The following CAMK1D variants were observed in gnomAD, a reference collection of about 807,000 sequenced individuals.
CAMK1D encodes the protein calcium/calmodulin dependent protein kinase ID.
A neutral mutation model predicts 47.7 loss-of-function variants in CAMK1D; 9 were observed. The observed-to-expected ratio is 0.19, with a 90% CI of 0.11 to 0.33. The LOEUF (loss-of-function observed/expected upper bound fraction) is 0.33. Ranked by LOEUF, CAMK1D falls within the 10% of genes least tolerant of loss-of-function variation. CAMK1D has a pLI of 1.00. For synonymous variants in CAMK1D, 184 were observed against 184.9 expected (o/e 0.99, Z 0.04); for missense variants, 291 against 488.7 (o/e 0.60, Z 3.81).
At chr10:12,715,060 C>T (rs770113608) in intron 3 of CAMK1D, among the ~76,000 whole-genome samples, 10 of 152,132 alleles carry the variant, frequency 6.6e-5, no homozygotes, top group Non-Finnish European at 1.0e-4. Context: ...TTCCTTCTAT[C>T]GAACTGTATG....
intron 4 of CAMK1D, among the ~76,000 whole-genome samples, chr10:12,765,166 A>G (rs968272890): frequency 3.9e-5 from 6 of 152,208 alleles, no homozygotes; most frequent in African/African-American, 1.4e-4. Flanking sequence ...TTCATCCACA[A>G]AATTAATGTC....
intron 3 of CAMK1D, among the ~76,000 whole-genome samples, chr10:12,731,441 T>C (rs1224384389): frequency 1.3e-5 from 2 of 152,164 alleles, no homozygotes; most frequent in Non-Finnish European, 2.9e-5. Flanking sequence ...AGAAAAGTCA[T>C]GAAAGTGAGC....
intron 2 of CAMK1D, among the ~76,000 whole-genome samples, chr10:12,651,817 C>T (rs922881853): frequency 6.6e-6 from 1 of 151,500 alleles, no homozygotes. Context: ...CCCGTTCTGT[C>T]GCCCAGGCTG....
At chr10:12,634,618 G>C (rs561055176) in intron 2 of CAMK1D, among the ~76,000 whole-genome samples, 1 of 152,190 alleles carries the variant, frequency 6.6e-6, no homozygotes, top group Non-Finnish European at 1.5e-5. Context: ...TGTAGGAGAT[G>C]CTCCTTCCAG....
chr10:12,644,234 G>A (rs1231411343), intron 2 of CAMK1D, among the ~76,000 whole-genome samples: 4 of 152,124 alleles, frequency 2.6e-5, no homozygotes, highest in Non-Finnish European at 2.9e-5. Context: ...TCTCACTGTA[G>A]CTGTCTGAGT....
intron 1 of CAMK1D, among the ~76,000 whole-genome samples, chr10:12,434,742 C>T (rs1378068739): frequency 1.3e-5 from 2 of 152,164 alleles, no homozygotes; most frequent in Admixed American, 6.5e-5. Context: ...TGATGTTCAC[C>T]GGGTAATGCT....
chr10:12,432,383 TGGTTTGAA>T (rs1832504792), intron 1 of CAMK1D, among the ~76,000 whole-genome samples: 1 of 152,244 alleles, frequency 6.6e-6, no homozygotes, highest in African/African-American at 2.4e-5. Flanking sequence ...AGCTGGGGCC[TGGTTTGAA>T]GACTTTTGCT....
chr10:12,755,299 C>T (rs1836178840), intron 3 of CAMK1D, among the ~76,000 whole-genome samples: 1 of 152,094 alleles, frequency 6.6e-6, no homozygotes. Flanking sequence ...TTATAGGCAC[C>T]AGTGTGGGAT....
chr10:12,788,746 C>G (rs1034968648), intron 5 of CAMK1D, among the ~76,000 whole-genome samples: 1 of 152,232 alleles, frequency 6.6e-6, no homozygotes, highest in African/African-American at 2.4e-5. Flanking sequence ...GAGAAATACG[C>G]TCTTAGCAGT....
chr10:12,530,176 C>T (rs1033409281), intron 1 of CAMK1D, among the ~76,000 whole-genome samples: 2 of 152,166 alleles, frequency 1.3e-5, no homozygotes, highest in Admixed American at 1.3e-4. Context: ...CTCCCAAGGC[C>T]ACGCATTCTT....
intron 1 of CAMK1D, among the ~76,000 whole-genome samples, chr10:12,450,499 G>A (rs1181358413): frequency 6.6e-6 from 1 of 152,238 alleles, no homozygotes; most frequent in Admixed American, 6.5e-5. Flanking sequence ...AGGTGAAATG[G>A]AAATCTGGAA....
chr10:12,531,508 C>T (rs1189393673), intron 1 of CAMK1D, among the ~76,000 whole-genome samples: 1 of 152,202 alleles, frequency 6.6e-6, no homozygotes, highest in Non-Finnish European at 1.5e-5. Flanking sequence ...AACCAAGTTA[C>T]TGATGATAAA....
chr10:12,596,345 A>T (rs1838146592), intron 2 of CAMK1D, among the ~76,000 whole-genome samples: 1 of 152,112 alleles, frequency 6.6e-6, no homozygotes. Flanking sequence ...TAAAGCATTT[A>T]TTTGATTGGC....
chr10:12,454,223 CG>C (rs1833173002), intron 1 of CAMK1D, among the ~76,000 whole-genome samples: 2 of 152,134 alleles, frequency 1.3e-5, no homozygotes, highest in South Asian at 4.1e-4. Context: ...AGTGCAGTGA[CG>C]CGATTTCAGC....
intron 2 of CAMK1D, among the ~76,000 whole-genome samples, chr10:12,640,921 TC>T (rs1417885521): frequency 6.6e-5 from 10 of 152,214 alleles, no homozygotes; most frequent in African/African-American, 2.4e-4. Context: ...GAATAATTTA[TC>T]GGTAATTACA....
At chr10:12,648,342 G>GT (rs1201679867) in intron 2 of CAMK1D, among the ~76,000 whole-genome samples, 2 of 152,136 alleles carry the variant, frequency 1.3e-5, no homozygotes, top group Non-Finnish European at 2.9e-5. Flanking sequence ...TAGCGATGGC[G>GT]TTTCAGTAGG....
At chr10:12,425,437 A>G (rs556644094) in intron 1 of CAMK1D, among the ~76,000 whole-genome samples, 1 of 151,930 alleles carries the variant, frequency 6.6e-6, no homozygotes, top group South Asian at 2.1e-4. Context: ...GTGTGCCACC[A>G]CGCCCAGCTA....
At chr10:12,657,099 A>T (rs1840139742) in intron 2 of CAMK1D, among the ~76,000 whole-genome samples, 1 of 152,164 alleles carries the variant, frequency 6.6e-6, no homozygotes, top group African/African-American at 2.4e-5. Context: ...AACTTGGTGA[A>T]CTTGGTTAAT....
chr10:12,817,120 G>T lies in CAMK1D; in HGVS notation c.833+792G>T, dbSNP rs149413586. ...TTATTCACTGTCACGAGAACAGCAC[G>T]GGAAAGACTTGCCTCTGTGATTCAA... is the stretch of plus-strand genomic sequence containing the variant. On this transcript the variant is annotated intron_variant, in intron 8 of 10. Transcript: ENST00000619168. 4.8e-3 allele frequency among the ~76,000 whole-genome samples: 735 copies of T among 152,238 alleles called. 8 individuals are homozygous for T. Among genetic ancestry groups the T allele is most frequent in the African/African-American group, 0.017 (712 of 41,524 alleles).
Sources: gnomAD v4.1 joint callset for allele counts (sites outside exome capture counted in the v4.1 genomes callset) on GRCh38, gnomAD v4.1.1 for gene constraint, MANE v1.5 for transcripts, NCBI Gene and HGNC (gene_info 2026-07-23, HGNC 2026-07-21) for gene names.